Variants in CAMK2D observed in about 807,000 individuals in gnomAD.
CAMK2D encodes calcium/calmodulin-dependent protein kinase type II subunit delta.
In CAMK2D, 37 loss-of-function variants were observed where a neutral mutation model predicts 84.0. That is an observed-to-expected ratio of 0.44 (90% confidence interval 0.34 to 0.58). CAMK2D has a LOEUF of 0.58. Ranked by LOEUF, CAMK2D falls within the 20% of genes least tolerant of loss-of-function variation. The probability of loss-of-function intolerance (pLI) is 0.02; values close to 1 mark genes in which losing one functional copy is unlikely to be tolerated. For missense variants in CAMK2D, 448 were observed against 652.5 expected, an observed-to-expected ratio of 0.69 and a Z score of 3.41; for synonymous variants, 202 against 212.5, an observed-to-expected ratio of 0.95 and a Z score of 0.43.
chr4:113,683,368 C>G (rs1306387625), intron 2 of CAMK2D, among the ~76,000 whole-genome samples: 2 of 152,154 alleles, frequency 1.3e-5, no homozygotes, highest in Admixed American at 1.3e-4. Flanking sequence ...GATACAGGAA[C>G]ATGGCTGAGA....
chr4:113,534,483 T>C (rs2098477091), intron 7 of CAMK2D, among the ~76,000 whole-genome samples: 1 of 152,250 alleles, frequency 6.6e-6, no homozygotes, highest in South Asian at 2.1e-4. Context: ...AATAACTTAA[T>C]TGCTGATAGC....
At chr4:113,492,775 C>G (rs1372316205) in intron 16 of CAMK2D, among the ~76,000 whole-genome samples, 7 of 145,952 alleles carry the variant, frequency 4.8e-5, no homozygotes, top group Admixed American at 2.1e-4. Context: ...GTGTGGGAGT[C>G]TAAGTTTCTT....
chr4:113,759,408 T>A lies in CAMK2D; in HGVS notation c.72A>T (p.Ala24=). ...YQLFEELGKG[A]FSVVRRCMKI... is the part of the protein sequence containing the mutation. ...TCATACATCTTCTCACCACTGAGAA[T>A]GCCCCCCTGGAAACCAATAATTAGC... Residue 24 remains alanine (A), a synonymous_variant, in exon 2 of 21, where the codon GCA becomes GCT. Transcript: ENST00000511664. 1 of 1,594,370 alleles carries A rather than the reference T, an allele frequency of 6.3e-7. No individual in the cohort carries two copies. Among genetic ancestry groups the A allele is most frequent in the Non-Finnish European group, 8.6e-7 (1 of 1,167,308 alleles).
intron 3 of CAMK2D, among the ~76,000 whole-genome samples, chr4:113,647,089 G>A (rs1309025083): frequency 6.6e-6 from 1 of 152,056 alleles, no homozygotes; most frequent in African/African-American, 2.4e-5. Flanking sequence ...AGATTAATTG[G>A]GGAAAAGACC....
At chr4:113,597,092 A>G (rs970856185) in intron 4 of CAMK2D, among the ~76,000 whole-genome samples, 3 of 152,168 alleles carry the variant, frequency 2.0e-5, no homozygotes, top group African/African-American at 7.2e-5. Flanking sequence ...TGCTGGGATT[A>G]CAGGCATGAG....
At chr4:113,601,818 C>T (rs2098954494) in intron 4 of CAMK2D, among the ~76,000 whole-genome samples, 1 of 151,358 alleles carries the variant, frequency 6.6e-6, no homozygotes, top group South Asian at 2.1e-4. Context: ...CCTCAGCCAC[C>T]CTAGCAGCTA....
At chr4:113,684,738 A>G (rs946738765) in intron 2 of CAMK2D, among the ~76,000 whole-genome samples, 11 of 152,204 alleles carry the variant, frequency 7.2e-5, no homozygotes, top group Non-Finnish European at 1.0e-4. Context: ...CTGAAATTCT[A>G]CTTCTCAGAA....
chr4:113,596,820 AT>A (rs34155395), intron 4 of CAMK2D, among the ~76,000 whole-genome samples: 53,040 of 141,940 alleles, frequency 0.37, 9,692 homozygotes, highest in African/African-American at 0.46. Flanking sequence ...GGGTCCTAGA[AT>A]TTTTTTTTTT....
intron 16 of CAMK2D, among the ~76,000 whole-genome samples, chr4:113,477,745 C>CA (rs34393843): frequency 0.57 from 67,249 of 116,982 alleles, 17,550 homozygotes; most frequent in South Asian, 0.64. Flanking sequence ...GACTCTGTCT[C>CA]AAAAAAAAAA....
intron 2 of CAMK2D, among the ~76,000 whole-genome samples, chr4:113,720,338 T>A (rs1208852960): frequency 2.0e-5 from 3 of 150,138 alleles, no homozygotes; most frequent in Non-Finnish European, 4.4e-5. Context: ...ATACCAATTT[T>A]TGGTAAAGAA....
intron 16 of CAMK2D, among the ~76,000 whole-genome samples, chr4:113,473,923 GA>G (rs2097574995): frequency 1.3e-5 from 2 of 152,080 alleles, no homozygotes; most frequent in Admixed American, 1.3e-4. Flanking sequence ...CCTTTGACCG[GA>G]AATGGAAATA....
rs72905916 is a variant in CAMK2D at position 113,485,644 on chromosome 4, C to T, written c.1135+14819G>A. 4.1e-3 allele frequency among the ~76,000 whole-genome samples: 629 copies of T among 152,320 alleles called. 8 individuals carry two copies. The highest frequency in any genetic ancestry group is 0.014 in the African/African-American group (587 of 41,564). On this transcript the variant is annotated intron_variant, in intron 16 of 20. Coordinates refer to ENST00000511664, the MANE Select transcript of CAMK2D (RefSeq NM_001321571.2). ...TCTACCTATGGACATCTTACCACAT[C>T]TTTCCTCTGCTTAAAACTTTCTGAT...
Position 113,515,044 on chromosome 4 carries a change from G to A in CAMK2D, c.819+25C>T, listed in dbSNP as rs772257255. ...GAGCTTATTTTTCATTTTAGTTCTT[G>A]AAGTTTTGGAGAAGTTTTACTTACA... On this transcript the variant is annotated intron_variant, in intron 10 of 20. Transcript: ENST00000511664. 4 of 1,605,154 alleles carry A rather than the reference G, an allele frequency of 2.5e-6. No homozygotes were observed. The Admixed American group carries it at 6.7e-5, about 27-fold the overall frequency.
chr4:113,730,313 T>G (rs1372568498), intron 2 of CAMK2D, among the ~76,000 whole-genome samples: 1 of 152,234 alleles, frequency 6.6e-6, no homozygotes, highest in African/African-American at 2.4e-5. Context: ...TCATGTCTTG[T>G]GTTTCAATAG....
intron 3 of CAMK2D, among the ~76,000 whole-genome samples, chr4:113,622,693 G>C (rs1275495300): frequency 6.6e-6 from 1 of 152,176 alleles, no homozygotes; most frequent in Admixed American, 6.5e-5. Flanking sequence ...GAGCTCAGGA[G>C]CTCAAGGCTA....
At chr4:113,632,721 T>C (rs900940637) in intron 3 of CAMK2D, among the ~76,000 whole-genome samples, 1 of 152,152 alleles carries the variant, frequency 6.6e-6, no homozygotes, top group Non-Finnish European at 1.5e-5. Flanking sequence ...TAATGTAGCA[T>C]AATATAGTCA....
At chr4:113,663,604 A>ATAATAATAG (rs2099245190) in intron 2 of CAMK2D, among the ~76,000 whole-genome samples, 1 of 149,620 alleles carries the variant, frequency 6.7e-6, no homozygotes, top group Admixed American at 6.7e-5. Context: ...AATAATAATA[A>ATAATAATAG]TAATAATAAT....
intron 2 of CAMK2D, among the ~76,000 whole-genome samples, chr4:113,699,984 A>G (rs1360289851): frequency 1.3e-5 from 2 of 152,178 alleles, no homozygotes; most frequent in African/African-American, 2.4e-5. Context: ...AGCATCCTAC[A>G]TTCCTGCTTG....
intron 2 of CAMK2D, chr4:113,754,035 TTAAA>T (rs2099622998): frequency 6.6e-6 from 6 of 911,778 alleles, no homozygotes; most frequent in African/African-American, 1.8e-5. Flanking sequence ...TTAATATTTA[TTAAA>T]TAAACACATA....
Sources: gnomAD v4.1 joint callset for allele counts (sites outside exome capture counted in the v4.1 genomes callset) on GRCh38, gnomAD v4.1.1 for gene constraint, MANE v1.5 for transcripts, NCBI Gene and HGNC (gene_info 2026-07-23, HGNC 2026-07-21) for gene names.